Variants in PTPRN2 observed in about 807,000 individuals in gnomAD.
PTPRN2 encodes the protein receptor-type tyrosine-protein phosphatase N2.
In PTPRN2, 74 loss-of-function variants were observed where a neutral mutation model predicts 118.8. The ratio of observed to expected loss-of-function variants is 0.62; its 90% confidence interval spans 0.52 to 0.76. The LOEUF is 0.76. Among genes scored for constraint, PTPRN2 ranks in the 30% least tolerant of loss-of-function variants. The pLI, the probability that PTPRN2 is intolerant of heterozygous loss-of-function variation, is 0.00. For missense variants in PTPRN2, 1,481 were observed against 1,394.4 expected (o/e 1.06, Z -0.99); for synonymous variants, 641 against 608.0 (o/e 1.05, Z -0.80).
At chr7:158,132,737 A>T (rs1442024634) in intron 9 of PTPRN2, among the ~76,000 whole-genome samples, 1 of 147,942 alleles carries the variant, frequency 6.8e-6, no homozygotes, top group Non-Finnish European at 1.5e-5. Flanking sequence ...CATTTACCCA[A>T]CATACACTAT....
At chr7:158,241,513 C>CA (rs36054444) in intron 3 of PTPRN2, among the ~76,000 whole-genome samples, 1 of 151,610 alleles carries the variant, frequency 6.6e-6, no homozygotes, top group Non-Finnish European at 1.5e-5. Flanking sequence ...GACTCTATCT[C>CA]AAAAAAAGAA....
chr7:157,543,986 G>A (rs918892139), intron 22 of PTPRN2, among the ~76,000 whole-genome samples: 1 of 152,122 alleles, frequency 6.6e-6, no homozygotes, highest in African/African-American at 2.4e-5. Context: ...GAGACAGAGA[G>A]AGGTGGAGAG....
chr7:157,721,952 C>T (rs974068142), intron 12 of PTPRN2, among the ~76,000 whole-genome samples: 1 of 152,078 alleles, frequency 6.6e-6, no homozygotes, highest in African/African-American at 2.4e-5. Context: ...CTTCATTCAA[C>T]AGACTTTTCC....
At chr7:157,635,426 C>T (rs1804250197) in intron 14 of PTPRN2, among the ~76,000 whole-genome samples, 1 of 152,262 alleles carries the variant, frequency 6.6e-6, no homozygotes, top group Non-Finnish European at 1.5e-5. Flanking sequence ...GTGCAATGTA[C>T]TGAGCCACGG....
chr7:158,442,727 G>T (rs531347695), intron 2 of PTPRN2, among the ~76,000 whole-genome samples: 2 of 152,278 alleles, frequency 1.3e-5, no homozygotes, highest in South Asian at 4.1e-4. Flanking sequence ...GCCATGCAGC[G>T]TTCCGCCTGC....
chr7:157,796,504 C>T (rs892867059), intron 12 of PTPRN2, among the ~76,000 whole-genome samples: 5 of 152,132 alleles, frequency 3.3e-5, no homozygotes, highest in African/African-American at 7.2e-5. Context: ...CTGGGAAAGG[C>T]GCAGAGAAGA....
chr7:158,572,121 A>G (rs967737541), intron 1 of PTPRN2, among the ~76,000 whole-genome samples: 17 of 152,068 alleles, frequency 1.1e-4, no homozygotes, highest in African/African-American at 3.1e-4. Flanking sequence ...GAGGGCAGGG[A>G]CTCTGTCTTG....
intron 12 of PTPRN2, among the ~76,000 whole-genome samples, chr7:157,820,272 C>T (rs545357962): frequency 0.011 from 1,614 of 151,430 alleles, 18 homozygotes; most frequent in African/African-American, 0.019. Context: ...GACACACACA[C>T]GTGCACACAC....
intron 3 of PTPRN2, among the ~76,000 whole-genome samples, chr7:158,306,645 C>A (rs1369644651): frequency 1.3e-5 from 2 of 151,878 alleles, no homozygotes; most frequent in Non-Finnish European, 2.9e-5. Flanking sequence ...CAATAAACAG[C>A]AACAACAACA....
intron 12 of PTPRN2, among the ~76,000 whole-genome samples, chr7:157,860,538 T>A (rs1286650738): frequency 1.3e-5 from 2 of 152,282 alleles, no homozygotes; most frequent in Non-Finnish European, 2.9e-5. Flanking sequence ...TAGGAACGTT[T>A]CAGAGCTGAG....
At chr7:158,431,392 C>T (rs1055469615) in intron 2 of PTPRN2, among the ~76,000 whole-genome samples, 1 of 149,804 alleles carries the variant, frequency 6.7e-6, no homozygotes, top group Non-Finnish European at 1.5e-5. Flanking sequence ...CACTGGCTCA[C>T]CTCGAGCACA....
At chr7:158,456,304 G>A (rs750045739) in intron 2 of PTPRN2, among the ~76,000 whole-genome samples, 39 of 144,314 alleles carry the variant, frequency 2.7e-4, no homozygotes, top group East Asian at 8.5e-4. Context: ...ATAATGGCAC[G>A]GATGCCATCA....
chr7:158,138,143 G>T, intron 7 of PTPRN2, 151 bp downstream of exon 7: 1 of 725,092 alleles, frequency 1.4e-6, no homozygotes, highest in Non-Finnish European at 2.2e-6. Flanking sequence ...AGAGGCAAAA[G>T]TTCAAACAGA....
At chr7:158,506,268 G>C (rs1822739841) in intron 1 of PTPRN2, among the ~76,000 whole-genome samples, 1 of 152,202 alleles carries the variant, frequency 6.6e-6, no homozygotes, top group African/African-American at 2.4e-5. Context: ...CCTCTCCCCG[G>C]AGGTGCCAGA....
intron 12 of PTPRN2, among the ~76,000 whole-genome samples, chr7:157,734,295 A>G (rs1325532878): frequency 1.4e-5 from 2 of 141,380 alleles, no homozygotes; most frequent in Non-Finnish European, 3.0e-5. Flanking sequence ...CCATGCGCCC[A>G]GTGCAGTTAC....
At chr7:158,187,948 G>A (rs1007751495) in intron 5 of PTPRN2, among the ~76,000 whole-genome samples, 2 of 152,198 alleles carry the variant, frequency 1.3e-5, no homozygotes, top group African/African-American at 4.8e-5. Context: ...TGACATGACC[G>A]GTGCCCACGC....
chr7:158,388,514 C>T (rs1031089144), intron 2 of PTPRN2, among the ~76,000 whole-genome samples: 15 of 152,240 alleles, frequency 9.9e-5, no homozygotes, highest in Non-Finnish European at 1.5e-4. Context: ...AACTGAGGGA[C>T]GCACGGGGCA....
chr7:158,229,178 C>G (rs1337269015), intron 3 of PTPRN2, among the ~76,000 whole-genome samples: 2 of 151,942 alleles, frequency 1.3e-5, no homozygotes, highest in African/African-American at 4.8e-5. Flanking sequence ...GCTTAAGGTG[C>G]CATCTAGTGC....
chr7:158,513,447 A>T (rs1186340242), intron 1 of PTPRN2, among the ~76,000 whole-genome samples: 3 of 152,224 alleles, frequency 2.0e-5, no homozygotes, highest in African/African-American at 7.2e-5. Context: ...AAATCTAAAT[A>T]AAGTAGGGAA....
Sources: allele counts gnomAD v4.1 joint callset (sites outside exome capture counted in the v4.1 genomes callset), GRCh38; gene constraint gnomAD v4.1.1; transcripts MANE v1.5; gene names NCBI Gene and HGNC (gene_info 2026-07-23, HGNC 2026-07-21).